Variants in PRKD3 observed in about 807,000 individuals in gnomAD.
PRKD3 encodes the protein protein kinase D3.
Under a neutral mutation model 99.2 loss-of-function variants are expected in PRKD3, and 47 were observed. The ratio of observed to expected loss-of-function variants is 0.47; its 90% CI spans 0.38 to 0.60. The LOEUF is 0.60. PRKD3 is among the 20% of genes least tolerant of loss of function. PRKD3 has a pLI of 0.00. For synonymous variants in PRKD3, 392 were observed against 355.4 expected (o/e 1.10, Z -1.16); for missense variants, 1,019 against 1,088.4 (o/e 0.94, Z 0.90).
In PRKD3 at chr2:37,254,371, A is replaced by T. The variant is rs528236461; in HGVS notation, c.2414-82T>A. ...TTGTGACTGCCTAGAAGGCAGTTCA[A>T]CCCATAGAAATACAGGGTTGAGGAA... On this transcript the variant is annotated intron_variant, in intron 17 of 18. Coordinates refer to ENST00000234179, the MANE Select transcript of PRKD3 (RefSeq NM_005813.6). The T allele has an allele frequency of 1.9e-5, 20 of 1,044,982 alleles. 1 individual carries two copies. In the South Asian group the frequency reaches 1.9e-4, roughly 10 times the overall value. The allele number at this position is 1,044,982 out of a possible 1,614,324, so 64.7% of individuals were successfully genotyped here. A position where few individuals can be genotyped will look rare whatever the true frequency, so the allele number is the denominator to read the frequency against.
chr2:37,308,336 C>T (rs1203841153), intron 2 of PRKD3, among the ~76,000 whole-genome samples: 1 of 152,206 alleles, frequency 6.6e-6, no homozygotes, highest in Non-Finnish European at 1.5e-5. Context: ...GAGCTGCCTG[C>T]TGTCCAGAGG....
intron 11 of PRKD3, 120 bp from the exon 12 acceptor site, chr2:37,272,552 G>A: frequency 1.6e-6 from 2 of 1,275,604 alleles, no homozygotes; most frequent in Non-Finnish European, 1.0e-6. Flanking sequence ...ATACAATTAT[G>A]TACATTAACA....
At chr2:37,301,179 G>A (rs1011703250) in intron 2 of PRKD3, among the ~76,000 whole-genome samples, 4 of 151,924 alleles carry the variant, frequency 2.6e-5, no homozygotes, top group Admixed American at 1.3e-4. Flanking sequence ...TTCATTATGT[G>A]GAGACCTTTA....
At chr2:37,254,144 AC>A in intron 18 of PRKD3, 59 bp downstream of exon 18, 1 of 1,273,858 alleles carries the variant, frequency 7.9e-7, no homozygotes, top group Non-Finnish European at 1.1e-6. Flanking sequence ...ATTAGGTGGG[AC>A]AAATCAGAGT....
chr2:37,251,478 A>C lies in PRKD3; in HGVS notation c.*1699T>G, dbSNP rs1667487860. The C allele has an allele frequency of 6.6e-6, 1 of 152,606 alleles. No homozygotes were observed. The highest frequency in any genetic ancestry group is 2.4e-5 in the African/African-American group (1 of 41,454). 9.5% of individuals were successfully genotyped at this position (152,606 alleles called of 1,614,324 possible). ...CTATGGCTGCTGTGAGGGTAAACTA[A>C]AACATAAAAGAACTTAGAACACAGG... On this transcript the variant is annotated 3_prime_UTR_variant, in exon 19 of 19. Coordinates refer to ENST00000234179, the MANE Select transcript of PRKD3 (RefSeq NM_005813.6).
chr2:37,303,854 C>T (rs1197479847), intron 2 of PRKD3, among the ~76,000 whole-genome samples: 2 of 152,100 alleles, frequency 1.3e-5, no homozygotes, highest in African/African-American at 2.4e-5. Context: ...AATAAATGCA[C>T]TAATCTTAAT....
intron 8 of PRKD3, 39 bp from the exon 9 acceptor site, chr2:37,278,028 T>C: frequency 6.5e-7 from 1 of 1,549,422 alleles, no homozygotes; most frequent in Non-Finnish European, 8.8e-7. Flanking sequence ...GTGTAGATTT[T>C]TAAAAAATCA....
chr2:37,302,157 A>C (rs922694709), intron 2 of PRKD3, among the ~76,000 whole-genome samples: 2 of 152,214 alleles, frequency 1.3e-5, no homozygotes, highest in Non-Finnish European at 2.9e-5. Flanking sequence ...GATTAAAAGA[A>C]AGAGGAAATT....
At chr2:37,294,460 C>T (rs1463798235) in intron 2 of PRKD3, among the ~76,000 whole-genome samples, 1 of 152,006 alleles carries the variant, frequency 6.6e-6, no homozygotes, top group Non-Finnish European at 1.5e-5. Context: ...TAGAAAGTTA[C>T]AAGTTTATAG....
intron 5 of PRKD3, among the ~76,000 whole-genome samples, chr2:37,286,604 G>A (rs183299328): frequency 2.2e-4 from 33 of 152,208 alleles, no homozygotes; most frequent in Admixed American, 1.7e-3. Flanking sequence ...TAATTCTCAG[G>A]TATATATTCA....
chr2:37,312,007 C>T (rs77872873), intron 2 of PRKD3, among the ~76,000 whole-genome samples: 1 of 152,192 alleles, frequency 6.6e-6, no homozygotes, highest in Non-Finnish European at 1.5e-5. Context: ...TTGTAAACAT[C>T]CTGATCCTTG....
chr2:37,321,202 A>G (rs945865397), intron 1 of PRKD3, among the ~76,000 whole-genome samples: 1 of 152,222 alleles, frequency 6.6e-6, no homozygotes, highest in African/African-American at 2.4e-5. Flanking sequence ...GCTCTAAATA[A>G]TATCATCTAG....
In PRKD3 at chr2:37,270,628, C is replaced by T. The variant is rs185393453; in HGVS notation, c.1705-941G>A. The stretch of plus-strand genomic sequence containing the variant: ...AAAAACAAAGTGGAACTTCACTTAG[C>T]AGACCCACACTTATAAAGACAAAGC... On this transcript the variant is annotated intron_variant, in intron 12 of 18. Transcript: ENST00000234179. Among the ~76,000 whole-genome samples the T allele has an allele frequency of 2.6e-5, 4 of 152,266 alleles. No homozygotes were observed. In the East Asian group the frequency reaches 7.7e-4, roughly 29 times the overall value.
At chr2:37,323,905 G>A (rs933783824) in intron 1 of PRKD3, among the ~76,000 whole-genome samples, 1 of 152,224 alleles carries the variant, frequency 6.6e-6, no homozygotes, top group East Asian at 1.9e-4. Context: ...ATCTGTGTGT[G>A]GAAAAGTCGG....
intron 2 of PRKD3, among the ~76,000 whole-genome samples, chr2:37,304,920 C>A (rs914392517): frequency 1.3e-5 from 2 of 151,836 alleles, no homozygotes; most frequent in African/African-American, 4.8e-5. Flanking sequence ...CTAGGATCTT[C>A]TATTCTAGCC....
intron 1 of PRKD3, among the ~76,000 whole-genome samples, chr2:37,319,274 T>C (rs1194884547): frequency 6.6e-6 from 1 of 151,916 alleles, no homozygotes; most frequent in African/African-American, 2.4e-5. Flanking sequence ...GTTACTGGAG[T>C]GTGGGTTGGA....
chr2:37,313,745 C>T (rs927880015), intron 2 of PRKD3, among the ~76,000 whole-genome samples: 1 of 152,166 alleles, frequency 6.6e-6, no homozygotes, highest in African/African-American at 2.4e-5. Flanking sequence ...ATTTGACATA[C>T]AAGTTTTCGA....
chr2:37,298,811 T>TAG (rs986028748), intron 2 of PRKD3, among the ~76,000 whole-genome samples: 1 of 152,242 alleles, frequency 6.6e-6, no homozygotes, highest in African/African-American at 2.4e-5. Flanking sequence ...TTATCAGTTC[T>TAG]AATGGTTTTT....
intron 2 of PRKD3, among the ~76,000 whole-genome samples, chr2:37,309,654 C>G (rs1270341669): frequency 6.6e-6 from 1 of 152,108 alleles, no homozygotes; most frequent in Non-Finnish European, 1.5e-5. Context: ...TCAAGACCAT[C>G]CTGGCCAACA....
Sources: gnomAD v4.1 joint callset for allele counts (sites outside exome capture counted in the v4.1 genomes callset) on GRCh38, gnomAD v4.1.1 for gene constraint, MANE v1.5 for transcripts, NCBI Gene and HGNC (gene_info 2026-07-23, HGNC 2026-07-21) for gene names.